The following TRDN variants were observed in gnomAD, a reference collection of about 807,000 sequenced individuals.
TRDN encodes triadin.
A neutral mutation model predicts 149.7 loss-of-function variants in TRDN; 161 were observed. The observed-to-expected ratio is 1.08, with a 90% CI of 0.95 to 1.23. The LOEUF (loss-of-function observed/expected upper bound fraction) is 1.23. TRDN is among the 50% of genes most tolerant of loss of function. The pLI is 0.00. For synonymous variants in TRDN, 294 were observed against 250.5 expected (o/e 1.17, Z -1.64); for missense variants, 896 against 823.5 (o/e 1.09, Z -1.08).
intron 24 of TRDN, among the ~76,000 whole-genome samples, chr6:123,282,241 A>C (rs1212443589): frequency 1.3e-5 from 2 of 151,946 alleles, no homozygotes; most frequent in Non-Finnish European, 2.9e-5. Flanking sequence ...CTACATATAT[A>C]AGTTCTATAT....
chr6:123,586,742 G>A (rs1017821333), intron 1 of TRDN, among the ~76,000 whole-genome samples: 4 of 152,118 alleles, frequency 2.6e-5, no homozygotes, highest in South Asian at 2.1e-4. Flanking sequence ...GAGGAATGGA[G>A]GGTGGAAGGT....
intron 12 of TRDN, among the ~76,000 whole-genome samples, chr6:123,402,490 A>C (rs1424042042): frequency 6.6e-6 from 1 of 152,216 alleles, no homozygotes; most frequent in Non-Finnish European, 1.5e-5. Flanking sequence ...AATTTGTTTA[A>C]AGGTTTTATT....
intron 24 of TRDN, among the ~76,000 whole-genome samples, chr6:123,309,849 T>C (rs1292739539): frequency 1.3e-5 from 2 of 152,068 alleles, no homozygotes; most frequent in African/African-American, 4.8e-5. Flanking sequence ...TATACAAATA[T>C]ATAAATCGAT....
chr6:123,225,228 G>C (rs544873132), intron 38 of TRDN, among the ~76,000 whole-genome samples: 1 of 151,776 alleles, frequency 6.6e-6, no homozygotes, highest in East Asian at 1.9e-4. Flanking sequence ...AAAGTCAAAT[G>C]AGATGTGCTG....
At chr6:123,491,371 C>T (rs988276548) in intron 9 of TRDN, among the ~76,000 whole-genome samples, 9 of 152,036 alleles carry the variant, frequency 5.9e-5, no homozygotes, top group African/African-American at 1.4e-4. Flanking sequence ...TAGATGATAA[C>T]TGATGAGCTG....
At chr6:123,339,822 T>C (rs941490983) in intron 21 of TRDN, among the ~76,000 whole-genome samples, 2 of 152,198 alleles carry the variant, frequency 1.3e-5, no homozygotes, top group African/African-American at 4.8e-5. Flanking sequence ...TCCAATCTCA[T>C]ATAATTTGTC....
intron 24 of TRDN, among the ~76,000 whole-genome samples, chr6:123,293,173 A>G (rs745598188): frequency 2.6e-5 from 4 of 152,132 alleles, no homozygotes; most frequent in Non-Finnish European, 5.9e-5. Flanking sequence ...ATCACTCACT[A>G]CAAGTCTCAC....
rs1286672064 is a variant in TRDN at position 123,623,456 on chromosome 6, T to C, written c.22+13298A>G. Among the ~76,000 whole-genome samples the C allele has an allele frequency of 2.0e-5, 3 of 152,052 alleles. No individual in the cohort carries two copies. The East Asian group carries it at 5.8e-4, about 29-fold the overall frequency. On this transcript the variant is annotated intron_variant, in intron 1 of 40. Transcript: ENST00000334268. ...CTGATAGGAAAATTTTGGGGGTGTT[T>C]ATGGAGTCAAAATTATGGTGAGAGG...
chr6:123,515,028 G>C (rs1247644192), intron 6 of TRDN, among the ~76,000 whole-genome samples: 1 of 151,780 alleles, frequency 6.6e-6, no homozygotes, highest in Non-Finnish European at 1.5e-5. Context: ...AAACCACCAT[G>C]GCACATGTAT....
At chr6:123,634,471 GA>G (rs1247336862) in intron 1 of TRDN, among the ~76,000 whole-genome samples, 3 of 151,458 alleles carry the variant, frequency 2.0e-5, no homozygotes, top group African/African-American at 7.3e-5. Flanking sequence ...ATAAATGGTT[GA>G]AAAAAATATA....
At chr6:123,423,558 C>T (rs537693719) in intron 12 of TRDN, among the ~76,000 whole-genome samples, 1 of 152,198 alleles carries the variant, frequency 6.6e-6, no homozygotes, top group African/African-American at 2.4e-5. Flanking sequence ...TATTCTAAAT[C>T]TGTATGGATG....
intron 24 of TRDN, among the ~76,000 whole-genome samples, chr6:123,301,721 A>G (rs1308082305): frequency 6.9e-6 from 1 of 144,194 alleles, no homozygotes; most frequent in African/African-American, 2.5e-5. Flanking sequence ...ACCTCCCAGT[A>G]CATATATGTA....
At chr6:123,560,006 C>T (rs1428217389) in intron 2 of TRDN, among the ~76,000 whole-genome samples, 6 of 152,226 alleles carry the variant, frequency 3.9e-5, no homozygotes, top group African/African-American at 9.6e-5. Context: ...CACAGACAGA[C>T]CCCATGACTT....
chr6:123,219,208 T>G (rs1482163819), intron 40 of TRDN, among the ~76,000 whole-genome samples: 1 of 151,842 alleles, frequency 6.6e-6, no homozygotes, highest in East Asian at 1.9e-4. Flanking sequence ...TTATTTGCCC[T>G]TACTTTAGAG....
At chr6:123,303,488 C>T (rs540512878) in intron 24 of TRDN, among the ~76,000 whole-genome samples, 67 of 152,150 alleles carry the variant, frequency 4.4e-4, no homozygotes, top group African/African-American at 1.6e-3. Flanking sequence ...TAGAAGAAAA[C>T]ATGTGCAAAC....
At chr6:123,260,029 T>C (rs1426204740) in intron 34 of TRDN, among the ~76,000 whole-genome samples, 1 of 151,734 alleles carries the variant, frequency 6.6e-6, no homozygotes. Flanking sequence ...AAATTCCTGG[T>C]CTCAAGGGAT....
At chr6:123,523,939 T>G (rs1213736872) in intron 5 of TRDN, among the ~76,000 whole-genome samples, 1 of 152,148 alleles carries the variant, frequency 6.6e-6, no homozygotes, top group Non-Finnish European at 1.5e-5. Flanking sequence ...GAAACCACTG[T>G]GGGATATATT....
intron 10 of TRDN, among the ~76,000 whole-genome samples, chr6:123,452,934 C>T (rs1775875546): frequency 6.6e-6 from 1 of 152,006 alleles, no homozygotes; most frequent in Admixed American, 6.6e-5. Flanking sequence ...ATAGAGAACC[C>T]ATAAATAAAC....
At position 123,505,480 on chromosome 6, in the gene TRDN, T is replaced by G. The variant is rs369182577; in HGVS notation, c.611-1579A>C. 2.1e-3 allele frequency among the ~76,000 whole-genome samples: 320 copies of G among 152,120 alleles called. 10 individuals carry two copies. The South Asian group carries it at 0.057, about 27-fold the overall frequency. On this transcript the variant is annotated intron_variant, in intron 7 of 40. Coordinates refer to ENST00000334268, the MANE Select transcript of TRDN (RefSeq NM_006073.4). ...CCCAAAACACTGTTTCTCAGATACT[T>G]CAGATATTTACAGGAAGATGTTGAT... is the stretch of plus-strand genomic sequence containing the variant.
Sources: allele counts gnomAD v4.1 joint callset (sites outside exome capture counted in the v4.1 genomes callset), GRCh38; gene constraint gnomAD v4.1.1; transcripts MANE v1.5; gene names NCBI Gene and HGNC (gene_info 2026-07-23, HGNC 2026-07-21).